GSK3B: variants seen among roughly 807,000 people sequenced by gnomAD.
GSK3B encodes the protein glycogen synthase kinase-3 beta.
Under a neutral mutation model 56.4 loss-of-function variants are expected in GSK3B, and 15 were observed. The ratio of observed to expected loss-of-function variants is 0.27; its 90% CI spans 0.18 to 0.41. GSK3B has a LOEUF of 0.41. Ranked by LOEUF, GSK3B falls within the 10% of genes least tolerant of loss-of-function variation. The pLI is 1.00. For missense variants in GSK3B, 300 were observed against 513.4 expected (o/e 0.58, Z 4.02); for synonymous variants, 181 against 188.9 (o/e 0.96, Z 0.34).
At chr3:119,866,077 C>T (rs1202537213) in intron 8 of GSK3B, among the ~76,000 whole-genome samples, 1 of 152,068 alleles carries the variant, frequency 6.6e-6, no homozygotes. Context: ...GGGGTCAAAA[C>T]CCAGTATCTC....
chr3:119,879,118 T>C (rs1489054486), intron 7 of GSK3B, among the ~76,000 whole-genome samples: 1 of 152,208 alleles, frequency 6.6e-6, no homozygotes, highest in Non-Finnish European at 1.5e-5. Flanking sequence ...AGGCATACAA[T>C]GTGTAATAAT....
intron 4 of GSK3B, among the ~76,000 whole-genome samples, chr3:119,917,383 T>G (rs1178605265): frequency 1.3e-5 from 2 of 152,144 alleles, no homozygotes; most frequent in African/African-American, 4.8e-5. Context: ...ATAAGATCTT[T>G]TATAAGGTCA....
At chr3:119,827,723 CAGAGAA>C (rs1426765177) in intron 10 of GSK3B, among the ~76,000 whole-genome samples, 2 of 151,292 alleles carry the variant, frequency 1.3e-5, no homozygotes, top group Non-Finnish European at 2.9e-5. Context: ...ATAAGCCAGA[CAGAGAA>C]AGACAAACTT....
chr3:120,062,642 A>T (rs2058247804), intron 1 of GSK3B, among the ~76,000 whole-genome samples: 1 of 152,240 alleles, frequency 6.6e-6, no homozygotes, highest in Non-Finnish European at 1.5e-5. Flanking sequence ...TAAAACAAAT[A>T]CAGAGAATGG....
At chr3:120,084,437 G>C (rs1431254373) in intron 1 of GSK3B, 1 of 152,156 alleles carries the variant, frequency 6.6e-6, no homozygotes, top group East Asian at 1.9e-4. Flanking sequence ...AGTAGGACTG[G>C]AGGACAGAAG....
At chr3:119,923,339 T>G in intron 4 of GSK3B, 34 bp downstream of exon 4, 1 of 1,137,442 alleles carries the variant, frequency 8.8e-7, no homozygotes, top group South Asian at 1.3e-5. Context: ...AAAAAATGTT[T>G]TCTAAAATGG....
At chr3:119,971,601 A>ATTTTTTTTTTTTT (rs751790636) in intron 2 of GSK3B, among the ~76,000 whole-genome samples, 4 of 83,842 alleles carry the variant, frequency 4.8e-5, no homozygotes, top group African/African-American at 1.1e-4. Flanking sequence ...ATTTGCAATA[A>ATTTTTTTTTTTTT]TTTTTTTTTT....
intron 1 of GSK3B, among the ~76,000 whole-genome samples, chr3:120,010,113 C>G (rs552662802): frequency 6.6e-6 from 1 of 152,142 alleles, no homozygotes; most frequent in Admixed American, 6.5e-5. Context: ...ACACAAACCC[C>G]AGCATAAGCC....
chr3:119,976,765 CAAAAAA>C lies in GSK3B; in HGVS notation c.282+25275_282+25280del, dbSNP rs563133631. Among the ~76,000 whole-genome samples the C allele has an allele frequency of 5.2e-4, 43 of 83,106 alleles. No homozygotes were observed. In the East Asian group the frequency reaches 0.014, roughly 26 times the overall value. 54.5% of individuals were successfully genotyped at this position (83,106 alleles called of 152,430 possible). ...ATATCAAGCAGCTGACCACTCCCCA[CAAAAAA>C]AAAAAAAAAAAAAATAGAAAGGTTT... On this transcript the variant is annotated intron_variant, in intron 2 of 10. Transcript: ENST00000264235.
rs2057022607 is a variant in GSK3B at position 119,939,061 on chromosome 3, A to ATTT, written c.366+8206_366+8207insAAA. Among the ~76,000 whole-genome samples, 3 of 151,976 alleles carry ATTT rather than the reference A, an allele frequency of 2.0e-5. 1 individual carries two copies. The highest frequency in any genetic ancestry group is 7.2e-5 in the African/African-American group (3 of 41,390). The stretch of plus-strand genomic sequence containing the variant: ...TGTGCAAGATATTCCAAGGAGAGAG[A>ATTT]AGCTTTTGGGGCTAAAAGGGGGGCT... On this transcript the variant is annotated intron_variant, in intron 3 of 10. Transcript: ENST00000264235.
At chr3:120,072,583 A>C (rs544636633) in intron 1 of GSK3B, among the ~76,000 whole-genome samples, 3 of 152,170 alleles carry the variant, frequency 2.0e-5, no homozygotes, top group Non-Finnish European at 4.4e-5. Flanking sequence ...AGTCTCAAAA[A>C]AATAATAATA....
intron 3 of GSK3B, among the ~76,000 whole-genome samples, chr3:119,930,037 C>T (rs994104113): frequency 6.6e-6 from 1 of 150,976 alleles, no homozygotes; most frequent in Admixed American, 6.6e-5. Context: ...CGTGATGGCA[C>T]CACTGCAACC....
At chr3:120,002,024 T>C (rs759055127) in intron 2 of GSK3B, 22 bp downstream of exon 2, 4 of 1,488,670 alleles carry the variant, frequency 2.7e-6, no homozygotes, top group South Asian at 1.3e-5. Context: ...CAACAAAATA[T>C]ATGAAATACT....
intron 7 of GSK3B, among the ~76,000 whole-genome samples, chr3:119,900,415 ATGGT>A (rs2056613558): frequency 1.3e-5 from 2 of 152,146 alleles, no homozygotes; most frequent in South Asian, 2.1e-4. Flanking sequence ...AATTCTACAA[ATGGT>A]TGGTTTATTT....
At position 120,046,858 on chromosome 3, in the gene GSK3B, G is replaced by A. The variant is rs546027993; in HGVS notation, c.89-44619C>T. On this transcript the variant is annotated intron_variant, in intron 1 of 10. Transcript: ENST00000264235. ...ACTCCTAACCTCAAGTGATCTGCCC[G>A]CCTCGGCCTCCCAAAGTGCTGGGAT... Among the ~76,000 whole-genome samples the A allele has an allele frequency of 2.6e-5, 4 of 152,174 alleles. No homozygotes were observed. In the South Asian group the frequency reaches 6.2e-4, roughly 24 times the overall value.
intron 2 of GSK3B, among the ~76,000 whole-genome samples, chr3:119,992,451 T>G (rs1431755810): frequency 1.3e-5 from 2 of 152,090 alleles, no homozygotes; most frequent in African/African-American, 4.8e-5. Context: ...CATACCATAA[T>G]AGGAATAAAC....
intron 1 of GSK3B, among the ~76,000 whole-genome samples, chr3:120,069,810 C>G (rs1420236884): frequency 6.6e-6 from 1 of 152,150 alleles, no homozygotes; most frequent in African/African-American, 2.4e-5. Flanking sequence ...CACTTAAAAA[C>G]TTCCAGATCC....
At chr3:120,074,232 T>C (rs1278050415) in intron 1 of GSK3B, among the ~76,000 whole-genome samples, 1 of 151,330 alleles carries the variant, frequency 6.6e-6, no homozygotes, top group Non-Finnish European at 1.5e-5. Flanking sequence ...GCCCAGGAAT[T>C]GAGACTGCAG....
At chr3:119,933,456 G>A (rs778481195) in intron 3 of GSK3B, among the ~76,000 whole-genome samples, 3 of 152,164 alleles carry the variant, frequency 2.0e-5, no homozygotes, top group African/African-American at 4.8e-5. Context: ...GTACACGCTC[G>A]TGCATGCATA....
Sources: gnomAD v4.1 joint callset for allele counts (sites outside exome capture counted in the v4.1 genomes callset) on GRCh38, gnomAD v4.1.1 for gene constraint, MANE v1.5 for transcripts, NCBI Gene and HGNC (gene_info 2026-07-23, HGNC 2026-07-21) for gene names.